Variants in DOK5 observed in about 807,000 individuals in gnomAD.
DOK5 encodes the protein downstream of tyrosine kinase 5.
A neutral mutation model predicts 43.3 loss-of-function variants in DOK5; 27 were observed. The ratio of observed to expected loss-of-function variants is 0.62; its 90% confidence interval spans 0.46 to 0.86. The LOEUF is 0.86. Ranked by LOEUF, DOK5 falls within the 40% of genes least tolerant of loss-of-function variation. The pLI is 0.00. For missense variants in DOK5, 373 were observed against 392.9 expected (o/e 0.95, Z 0.43); for synonymous variants, 146 against 140.1 (o/e 1.04, Z -0.30).
chr20:54,579,059 C>T (rs929924193), intron 2 of DOK5, among the ~76,000 whole-genome samples: 4 of 152,134 alleles, frequency 2.6e-5, no homozygotes, highest in African/African-American at 9.7e-5. Flanking sequence ...AATTTCATAG[C>T]AGTAGTATTA....
chr20:54,550,879 T>A (rs559057038), intron 1 of DOK5, among the ~76,000 whole-genome samples: 1 of 152,174 alleles, frequency 6.6e-6, no homozygotes, highest in South Asian at 2.1e-4. Context: ...ATTTTTTTTT[T>A]ATGTGGGGAT....
At chr20:54,596,689 G>A (rs532038700) in intron 5 of DOK5, among the ~76,000 whole-genome samples, 4 of 152,234 alleles carry the variant, frequency 2.6e-5, no homozygotes, top group African/African-American at 9.6e-5. Flanking sequence ...TTAAATAAAG[G>A]CACATGTAAA....
chr20:54,638,333 A>G (rs1185533789), intron 6 of DOK5, among the ~76,000 whole-genome samples: 1 of 152,104 alleles, frequency 6.6e-6, no homozygotes, highest in East Asian at 1.9e-4. Flanking sequence ...GAATTTAACC[A>G]CATAAGTAAT....
Position 54,650,577 on chromosome 20 carries a change from G to A in DOK5, c.*98G>A, listed in dbSNP as rs1979650464. ...ACAGCAAGGGAAATGACGACCAAGA[G>A]AAGAAGCTTAAAGTCCTGGCTAATT... On this transcript the variant is annotated 3_prime_UTR_variant, in exon 8 of 8. Coordinates refer to ENST00000262593, the MANE Select transcript of DOK5 (RefSeq NM_018431.5). 1.7e-6 allele frequency: 2 copies of A among 1,178,826 alleles called. No individual in the cohort carries two copies. The highest frequency in any genetic ancestry group is 2.5e-6 in the Non-Finnish European group (2 of 813,208). The allele number at this position is 1,178,826 out of a possible 1,614,324, so 73.0% of individuals were successfully genotyped here.
chr20:54,553,281 C>T (rs566144297), intron 1 of DOK5, among the ~76,000 whole-genome samples: 108 of 152,148 alleles, frequency 7.1e-4, no homozygotes, highest in African/African-American at 2.4e-3. Flanking sequence ...CTGCAAGCTC[C>T]GCCTCCCGGG....
intron 6 of DOK5, among the ~76,000 whole-genome samples, chr20:54,618,064 C>A: frequency 6.6e-6 from 1 of 152,306 alleles, no homozygotes; most frequent in South Asian, 2.1e-4. Context: ...CAAGTAGACA[C>A]TTGAGGCCTA....
intron 1 of DOK5, among the ~76,000 whole-genome samples, chr20:54,542,952 G>A (rs1446936500): frequency 6.7e-6 from 1 of 149,612 alleles, no homozygotes; most frequent in Non-Finnish European, 1.5e-5. Context: ...TCAGAAGATG[G>A]TAGCTTAGAG....
chr20:54,521,350 C>G (rs897986949), intron 1 of DOK5, among the ~76,000 whole-genome samples: 37 of 152,142 alleles, frequency 2.4e-4, no homozygotes, highest in African/African-American at 8.4e-4. Flanking sequence ...AAGACTGTCC[C>G]TACTTCAGAC....
chr20:54,630,426 G>A (rs1332140283), intron 6 of DOK5, among the ~76,000 whole-genome samples: 1 of 152,138 alleles, frequency 6.6e-6, no homozygotes, highest in Non-Finnish European at 1.5e-5. Flanking sequence ...AGGAGTATGA[G>A]GAGCGACAGT....
chr20:54,495,698 C>G (rs1460434492), intron 1 of DOK5, among the ~76,000 whole-genome samples: 1 of 152,100 alleles, frequency 6.6e-6, no homozygotes, highest in Non-Finnish European at 1.5e-5. Context: ...CAAGACCAGC[C>G]TGGCCAACGT....
chr20:54,622,150 C>T (rs140534699), intron 6 of DOK5, among the ~76,000 whole-genome samples: 359 of 151,398 alleles, frequency 2.4e-3, no homozygotes, highest in Middle Eastern at 0.01. Flanking sequence ...GCCGAGATCA[C>T]GCCATGAACT....
At chr20:54,554,356 C>A (rs552009150) in intron 1 of DOK5, among the ~76,000 whole-genome samples, 5 of 152,328 alleles carry the variant, frequency 3.3e-5, no homozygotes, top group Admixed American at 1.3e-4. Context: ...CCAGCATTGA[C>A]CTTTCAATTT....
At chr20:54,533,473 T>C (rs1017264662) in intron 1 of DOK5, among the ~76,000 whole-genome samples, 1 of 152,160 alleles carries the variant, frequency 6.6e-6, no homozygotes, top group African/African-American at 2.4e-5. Context: ...TTCTAACCTA[T>C]TGTAGTTAAA....
chr20:54,601,553 G>T (rs1182382036), intron 5 of DOK5, among the ~76,000 whole-genome samples: 2 of 152,276 alleles, frequency 1.3e-5, no homozygotes, highest in Non-Finnish European at 2.9e-5. Flanking sequence ...TTGTTGGTTG[G>T]TTTTTCCACC....
intron 6 of DOK5, among the ~76,000 whole-genome samples, chr20:54,611,563 A>T (rs1454447177): frequency 6.6e-6 from 1 of 151,100 alleles, no homozygotes; most frequent in East Asian, 1.9e-4. Flanking sequence ...ACTGCCTAAA[A>T]ATTTAAAAAA....
At chr20:54,650,199 G>T (rs956826250) in intron 7 of DOK5, among the ~76,000 whole-genome samples, 2 of 152,170 alleles carry the variant, frequency 1.3e-5, no homozygotes, top group Non-Finnish European at 2.9e-5. Flanking sequence ...AATTGCTAAT[G>T]GACTGACCAT....
intron 1 of DOK5, among the ~76,000 whole-genome samples, chr20:54,485,290 T>C (rs1007424566): frequency 8.6e-5 from 13 of 150,862 alleles, no homozygotes; most frequent in African/African-American, 3.2e-4. Flanking sequence ...GCGGCGGAGG[T>C]TGCAGTGAGC....
intron 1 of DOK5, among the ~76,000 whole-genome samples, chr20:54,527,743 T>A (rs956660818): frequency 1.6e-4 from 24 of 152,270 alleles, no homozygotes; most frequent in Admixed American, 3.3e-4. Context: ...CCAGTAAGAT[T>A]TAAGGTTGGT....
At chr20:54,476,758 A>G (rs1018132269) in intron 1 of DOK5, among the ~76,000 whole-genome samples, 1 of 152,182 alleles carries the variant, frequency 6.6e-6, no homozygotes, top group African/African-American at 2.4e-5. Flanking sequence ...CACTTGGGAC[A>G]GATGTTGACA....
Sources: allele counts gnomAD v4.1 joint callset (sites outside exome capture counted in the v4.1 genomes callset), GRCh38; gene constraint gnomAD v4.1.1; transcripts MANE v1.5; gene names NCBI Gene and HGNC (gene_info 2026-07-23, HGNC 2026-07-21).